DSCAM: variants seen among roughly 807,000 people sequenced by gnomAD.
The protein encoded by DSCAM is DS cell adhesion molecule.
A neutral mutation model predicts 217.7 loss-of-function variants in DSCAM; 47 were observed. The ratio of observed to expected loss-of-function variants is 0.22; its 90% confidence interval spans 0.17 to 0.28. The LOEUF (loss-of-function observed/expected upper bound fraction) is 0.28. DSCAM is among the 10% of genes least tolerant of loss of function. The pLI, the probability that DSCAM is intolerant of heterozygous loss-of-function variation, is 1.00. For synonymous variants in DSCAM, 1,056 were observed against 1,015.3 expected, an observed-to-expected ratio of 1.04 and a Z score of -0.76; for missense variants, 2,080 against 2,618.3, an observed-to-expected ratio of 0.79 and a Z score of 4.49.
chr21:40,258,260 C>G (rs1227168379), intron 11 of DSCAM, among the ~76,000 whole-genome samples: 1 of 152,212 alleles, frequency 6.6e-6, no homozygotes, highest in Non-Finnish European at 1.5e-5. Flanking sequence ...CTCTCCTGCT[C>G]TTTCCCTCTT....
intron 15 of DSCAM, among the ~76,000 whole-genome samples, chr21:40,175,452 T>C (rs2090714181): frequency 6.6e-6 from 1 of 152,166 alleles, no homozygotes; most frequent in African/African-American, 2.4e-5. Context: ...TTCTAGAGGC[T>C]GACAATTCCA....
chr21:40,261,505 T>C (rs1164365118), intron 11 of DSCAM, among the ~76,000 whole-genome samples: 1 of 152,144 alleles, frequency 6.6e-6, no homozygotes, highest in African/African-American at 2.4e-5. Flanking sequence ...TTCTTGTCTT[T>C]GGACTTCGAG....
At chr21:40,201,388 T>TC in intron 11 of DSCAM, among the ~76,000 whole-genome samples, 1 of 149,630 alleles carries the variant, frequency 6.7e-6, no homozygotes, top group South Asian at 2.1e-4. Flanking sequence ...TTTTTTTTTT[T>TC]CCATCTGTCT....
chr21:40,182,987 GGGTTACCAGAGAAACCGTGGACAGAAC>G lies in DSCAM; in HGVS notation c.2780-3920_2780-3894del, dbSNP rs1316522195. Among the ~76,000 whole-genome samples, 18 of 19,032 alleles carry G rather than the reference GGGTTACCAGAGAAACCGTGGACAGAAC, an allele frequency of 9.5e-4. 4 individuals are homozygous for G. The highest frequency in any genetic ancestry group is 3.4e-3 in the African/African-American group (10 of 2,930). 12.5% of individuals were successfully genotyped at this position (19,032 alleles called of 152,430 possible). ...TTACCAGAGAAACCGTGGACGGGGG[GGGTTACCAGAGAAACCGTGGACAGAAC>G]GGGCCACCAGAGAAACCGTGGACAG... On this transcript the variant is annotated intron_variant, in intron 14 of 32. Transcript: ENST00000400454.
At chr21:40,806,279 T>G (rs1375540099) in intron 1 of DSCAM, among the ~76,000 whole-genome samples, 1 of 152,198 alleles carries the variant, frequency 6.6e-6, no homozygotes, top group Non-Finnish European at 1.5e-5. Flanking sequence ...TTGACGTGAT[T>G]GCTTTACTGT....
At chr21:40,098,844 G>A (rs1443697526) in intron 20 of DSCAM, among the ~76,000 whole-genome samples, 1 of 152,152 alleles carries the variant, frequency 6.6e-6, no homozygotes, top group Non-Finnish European at 1.5e-5. Flanking sequence ...GCACGTGCAT[G>A]TGTATGCACT....
chr21:40,538,694 G>A lies in DSCAM; in HGVS notation c.508+154116C>T, dbSNP rs140129303. ...TTCCTCCCAGTGTGGTCCTTGAACC[G>A]CCTGCTAATAAAGTCATCAAGGCCG... On this transcript the variant is annotated intron_variant, in intron 3 of 32. Coordinates refer to ENST00000400454, the MANE Select transcript of DSCAM (RefSeq NM_001389.5). 2.8e-3 allele frequency among the ~76,000 whole-genome samples: 431 copies of A among 152,086 alleles called. 5 individuals are homozygous for A. Among genetic ancestry groups the A allele is most frequent in the African/African-American group, 8.2e-3 (342 of 41,464 alleles).
At chr21:40,541,823 AT>A (rs909408022) in intron 3 of DSCAM, among the ~76,000 whole-genome samples, 20 of 152,330 alleles carry the variant, frequency 1.3e-4, no homozygotes, top group Admixed American at 3.3e-4. Flanking sequence ...AGCAAAATGT[AT>A]TGCACTGAAA....
rs1163872393 is a variant in DSCAM at position 40,193,893 on chromosome 21, T to C, written c.2357-4655A>G. 3.3e-5 allele frequency among the ~76,000 whole-genome samples: 5 copies of C among 152,324 alleles called. No individual in the cohort carries two copies. In the East Asian group the frequency reaches 9.7e-4, roughly 29 times the overall value. On this transcript the variant is annotated intron_variant, in intron 11 of 32. Transcript: ENST00000400454. ...GCCAATTCTGAAGTAAGGGTTTCTG[T>C]CCTATTCTAGGAGCTCCAAGGCTGG...
chr21:40,743,504 C>G (rs1406907703), intron 1 of DSCAM, among the ~76,000 whole-genome samples: 1 of 152,150 alleles, frequency 6.6e-6, no homozygotes, highest in East Asian at 1.9e-4. Context: ...ATTCCCCACT[C>G]TGACATAATA....
intron 3 of DSCAM, among the ~76,000 whole-genome samples, chr21:40,576,636 G>T (rs1379118501): frequency 6.6e-6 from 1 of 151,984 alleles, no homozygotes; most frequent in African/African-American, 2.4e-5. Context: ...TAAGATAGTG[G>T]CAGAATGGGA....
chr21:40,070,977 T>C (rs2089285835), intron 27 of DSCAM, among the ~76,000 whole-genome samples: 2 of 152,342 alleles, frequency 1.3e-5, no homozygotes, highest in South Asian at 4.1e-4. Flanking sequence ...AAATGTGACA[T>C]CACTCACTGA....
intron 3 of DSCAM, among the ~76,000 whole-genome samples, chr21:40,574,515 T>C (rs2076833400): frequency 6.6e-6 from 1 of 152,234 alleles, no homozygotes; most frequent in African/African-American, 2.4e-5. Context: ...AATAACATGA[T>C]ATCTAACACT....
intron 11 of DSCAM, among the ~76,000 whole-genome samples, chr21:40,211,311 A>C (rs1419119134): frequency 6.6e-6 from 1 of 152,226 alleles, no homozygotes; most frequent in African/African-American, 2.4e-5. Context: ...CTGTTTGTCC[A>C]GAATTTAGCT....
intron 3 of DSCAM, among the ~76,000 whole-genome samples, chr21:40,684,359 C>T (rs978418123): frequency 6.6e-5 from 10 of 152,190 alleles, no homozygotes; most frequent in African/African-American, 1.4e-4. Flanking sequence ...ACAGGTGACG[C>T]GGTTGCTGAG....
At chr21:40,355,815 G>A (rs2074685709) in intron 4 of DSCAM, among the ~76,000 whole-genome samples, 1 of 152,132 alleles carries the variant, frequency 6.6e-6, no homozygotes, top group Admixed American at 6.5e-5. Flanking sequence ...TTGTAATTTT[G>A]ACGAACATCT....
intron 4 of DSCAM, among the ~76,000 whole-genome samples, chr21:40,368,587 TCAA>T (rs1471929436): frequency 6.6e-6 from 1 of 152,206 alleles, no homozygotes; most frequent in East Asian, 1.9e-4. Context: ...ATTCCAATGT[TCAA>T]CAAGTTCCCT....
intron 1 of DSCAM, among the ~76,000 whole-genome samples, chr21:40,753,606 A>G (rs771901613): frequency 1.3e-4 from 20 of 152,240 alleles, no homozygotes; most frequent in Non-Finnish European, 2.4e-4. Flanking sequence ...GCACATTACT[A>G]TCAGAGTAGC....
intron 21 of DSCAM, among the ~76,000 whole-genome samples, chr21:40,088,059 A>G (rs2089555136): frequency 6.6e-6 from 1 of 152,230 alleles, no homozygotes; most frequent in African/African-American, 2.4e-5. Context: ...GAGGAAAACA[A>G]TCTGCTCAGT....
Sources: gnomAD v4.1 joint callset for allele counts (sites outside exome capture counted in the v4.1 genomes callset) on GRCh38, gnomAD v4.1.1 for gene constraint, MANE v1.5 for transcripts, NCBI Gene and HGNC (gene_info 2026-07-23, HGNC 2026-07-21) for gene names.